The following PPFIA2 variants were observed in gnomAD, a reference collection of about 807,000 sequenced individuals.
The protein encoded by PPFIA2 is PPFI scaffold protein A2, also known as liprin-alpha-2.
In PPFIA2, 46 loss-of-function variants were observed where a neutral mutation model predicts 175.5. That is an observed-to-expected ratio of 0.26 (90% CI 0.21 to 0.34). The LOEUF is 0.34. PPFIA2 is among the 10% of genes least tolerant of loss of function. The pLI is 1.00. For missense variants in PPFIA2, 1,179 were observed against 1,506.1 expected, an observed-to-expected ratio of 0.78 and a Z score of 3.60; for synonymous variants, 568 against 511.4, an observed-to-expected ratio of 1.11 and a Z score of -1.49.
chr12:81,345,046 AG>A (rs1167116396), intron 18 of PPFIA2, among the ~76,000 whole-genome samples: 1 of 152,276 alleles, frequency 6.6e-6, no homozygotes, highest in Admixed American at 6.5e-5. Flanking sequence ...CATCTTTTCA[AG>A]AAAATATTAT....
intron 4 of PPFIA2, among the ~76,000 whole-genome samples, chr12:81,554,035 G>C (rs941567919): frequency 4.6e-5 from 7 of 151,788 alleles, no homozygotes; most frequent in Admixed American, 4.6e-4. Context: ...TTTTTTGCTA[G>C]AAATGGGGAT....
intron 4 of PPFIA2, among the ~76,000 whole-genome samples, chr12:81,474,146 T>A (rs957805552): frequency 6.6e-6 from 1 of 152,130 alleles, no homozygotes; most frequent in Non-Finnish European, 1.5e-5. Context: ...TCTTTATTTT[T>A]AAATTTTAAT....
chr12:81,714,546 G>A (rs1443201930), intron 3 of PPFIA2, among the ~76,000 whole-genome samples: 1 of 151,024 alleles, frequency 6.6e-6, no homozygotes, highest in East Asian at 2.0e-4. Flanking sequence ...TTGCCACGTT[G>A]TGAATTATAT....
intron 4 of PPFIA2, among the ~76,000 whole-genome samples, chr12:81,513,765 G>A (rs1051145913): frequency 6.6e-6 from 1 of 151,904 alleles, no homozygotes; most frequent in Non-Finnish European, 1.5e-5. Context: ...GAACAATCAG[G>A]CATACATAGG....
intron 4 of PPFIA2, among the ~76,000 whole-genome samples, chr12:81,516,791 T>G (rs1230968663): frequency 6.6e-6 from 1 of 152,220 alleles, no homozygotes; most frequent in Non-Finnish European, 1.5e-5. Context: ...TACATTCTTA[T>G]GGCAGCCTCA....
At chr12:81,712,775 CA>C (rs2078109464) in intron 3 of PPFIA2, among the ~76,000 whole-genome samples, 1 of 146,016 alleles carries the variant, frequency 6.8e-6, no homozygotes, top group African/African-American at 2.5e-5. Flanking sequence ...TAATCAAGCA[CA>C]AAAAAAGACT....
intron 7 of PPFIA2, among the ~76,000 whole-genome samples, chr12:81,436,867 A>G (rs1043720766): frequency 6.6e-5 from 10 of 152,176 alleles, no homozygotes; most frequent in Non-Finnish European, 1.5e-4. Context: ...CACATGGACA[A>G]TAGTTAAAAT....
At chr12:81,619,156 G>A (rs1236520868) in intron 4 of PPFIA2, among the ~76,000 whole-genome samples, 2 of 152,092 alleles carry the variant, frequency 1.3e-5, no homozygotes, top group African/African-American at 4.8e-5. Context: ...CTTCTCTTTG[G>A]ACTACAAGCG....
intron 7 of PPFIA2, among the ~76,000 whole-genome samples, chr12:81,416,461 T>A (rs1326884471): frequency 6.6e-6 from 1 of 151,626 alleles, no homozygotes; most frequent in Non-Finnish European, 1.5e-5. Flanking sequence ...TTAAAAGTTT[T>A]GAATTTCATA....
At position 81,511,748 on chromosome 12, in the gene PPFIA2, A is replaced by T. The variant is rs542015944; in HGVS notation, c.304-53882T>A. 1.2e-4 allele frequency among the ~76,000 whole-genome samples: 19 copies of T among 152,180 alleles called. 1 individual carries two copies. The highest frequency in any genetic ancestry group is 4.6e-4 in the African/African-American group (19 of 41,550). On this transcript the variant is annotated intron_variant, in intron 4 of 32. Coordinates refer to ENST00000549396, the MANE Select transcript of PPFIA2 (RefSeq NM_003625.5). ...AATACATGTATTTCCCTTCATATAT[A>T]TTCAATATATGCCTGGTAAGCAGTC...
At chr12:81,563,963 C>A (rs910723350) in intron 4 of PPFIA2, among the ~76,000 whole-genome samples, 1 of 151,998 alleles carries the variant, frequency 6.6e-6, no homozygotes, top group Admixed American at 6.5e-5. Flanking sequence ...TTACAAAAAA[C>A]CTTTAATACA....
At chr12:81,686,288 A>G (rs1206169748) in intron 3 of PPFIA2, among the ~76,000 whole-genome samples, 1 of 152,086 alleles carries the variant, frequency 6.6e-6, no homozygotes, top group Non-Finnish European at 1.5e-5. Context: ...GATTTAGCCA[A>G]AAAGTAAAAT....
chr12:81,582,653 T>C (rs2074585766), intron 4 of PPFIA2, among the ~76,000 whole-genome samples: 1 of 151,970 alleles, frequency 6.6e-6, no homozygotes, highest in South Asian at 2.1e-4. Flanking sequence ...TTATTAGATA[T>C]ATGTAAAAGT....
chr12:81,414,595 A>T (rs1241210744), intron 7 of PPFIA2, among the ~76,000 whole-genome samples: 2 of 151,678 alleles, frequency 1.3e-5, no homozygotes, highest in Non-Finnish European at 3.0e-5. Context: ...ACATCTAATT[A>T]ACAAAGATTC....
At chr12:81,524,953 A>G (rs2063571502) in intron 4 of PPFIA2, among the ~76,000 whole-genome samples, 1 of 152,180 alleles carries the variant, frequency 6.6e-6, no homozygotes, top group African/African-American at 2.4e-5. Flanking sequence ...TGCCATATGA[A>G]GTTACAGTGA....
chr12:81,462,500 T>G (rs1346221040), intron 4 of PPFIA2, among the ~76,000 whole-genome samples: 1 of 146,448 alleles, frequency 6.8e-6, no homozygotes, highest in South Asian at 2.1e-4. Context: ...ATATATTGTA[T>G]TCTGTTTCTT....
At chr12:81,602,132 T>C (rs1361313869) in intron 4 of PPFIA2, among the ~76,000 whole-genome samples, 1 of 151,892 alleles carries the variant, frequency 6.6e-6, no homozygotes, top group East Asian at 1.9e-4. Context: ...AAATTTTAAA[T>C]GACTATATGG....
intron 4 of PPFIA2, among the ~76,000 whole-genome samples, chr12:81,499,781 T>G (rs2060403205): frequency 6.6e-6 from 1 of 151,908 alleles, no homozygotes; most frequent in Non-Finnish European, 1.5e-5. Flanking sequence ...ACCACCTCAG[T>G]ATGGGTTAAA....
chr12:81,438,285 T>C (rs927103738), intron 7 of PPFIA2, among the ~76,000 whole-genome samples: 3 of 152,066 alleles, frequency 2.0e-5, no homozygotes, highest in African/African-American at 7.2e-5. Flanking sequence ...CTGACCAACA[T>C]GGTGAAACCC....
Sources: allele counts gnomAD v4.1 joint callset (sites outside exome capture counted in the v4.1 genomes callset), GRCh38; gene constraint gnomAD v4.1.1; transcripts MANE v1.5; gene names NCBI Gene and HGNC (gene_info 2026-07-23, HGNC 2026-07-21).